PDZD2: variants seen among roughly 807,000 people sequenced by gnomAD.
PDZD2 encodes the protein PDZ domain containing 2.
PDZD2 carries 90 observed loss-of-function variants against 220.7 expected under a neutral mutation model. That is an observed-to-expected ratio of 0.41 (90% CI 0.34 to 0.49). PDZD2 has a LOEUF of 0.49. Ranked by LOEUF, PDZD2 falls within the 20% of genes least tolerant of loss-of-function variation. The probability of loss-of-function intolerance (pLI) is 0.28; values close to 1 mark genes in which losing one functional copy is unlikely to be tolerated. For synonymous variants in PDZD2, 1,375 were observed against 1,450.5 expected, an observed-to-expected ratio of 0.95 and a Z score of 1.18; for missense variants, 3,174 against 3,608.5, an observed-to-expected ratio of 0.88 and a Z score of 3.08.
At chr5:32,038,719 G>A (rs924965037) in intron 7 of PDZD2, among the ~76,000 whole-genome samples, 19 of 152,096 alleles carry the variant, frequency 1.2e-4, no homozygotes, top group Admixed American at 6.6e-4. Context: ...AAAGTCAGCC[G>A]TGGCTCCCCC....
chr5:32,003,035 C>A (rs1752388831), intron 5 of PDZD2, among the ~76,000 whole-genome samples: 1 of 135,300 alleles, frequency 7.4e-6, no homozygotes, highest in Non-Finnish European at 1.6e-5. Context: ...ACATGCATAC[C>A]ATACACACAC....
chr5:31,700,416 A>G (rs1007723751), intron 1 of PDZD2, among the ~76,000 whole-genome samples: 1 of 151,882 alleles, frequency 6.6e-6, no homozygotes, highest in African/African-American at 2.4e-5. Flanking sequence ...GTTGATGAGG[A>G]GTTGGAGGTC....
At chr5:31,882,089 T>G (rs1739983221) in intron 2 of PDZD2, among the ~76,000 whole-genome samples, 1 of 152,194 alleles carries the variant, frequency 6.6e-6, no homozygotes, top group African/African-American at 2.4e-5. Flanking sequence ...AAACCCATCC[T>G]AAAAGTTGAC....
intron 15 of PDZD2, 152 bp from the exon 16 acceptor site, chr5:32,071,232 A>G (rs1740709330): frequency 2.9e-6 from 2 of 694,396 alleles, no homozygotes. Flanking sequence ...GGTAGACTGC[A>G]TGCACGTCTA....
chr5:31,661,480 G>T (rs1305532615), intron 1 of PDZD2: 1 of 152,198 alleles, frequency 6.6e-6, no homozygotes, highest in Non-Finnish European at 1.5e-5. Context: ...GGACAGCCGA[G>T]CCAAGAATCT....
rs1323322656 is a variant in PDZD2, at chr5:32,025,263, C to T, written c.1408-11968C>T. ...AGCCCTGGCCGGGTGCGGTGGCTCA[C>T]ATCTGTAATCCCAGCACTTTGGGAG... On this transcript the variant is annotated intron_variant, in intron 6 of 24. Coordinates refer to ENST00000438447, the MANE Select transcript of PDZD2 (RefSeq NM_178140.4). Among the ~76,000 whole-genome samples the T allele has an allele frequency of 4.6e-5, 7 of 152,274 alleles. No homozygotes were observed. The East Asian group carries it at 1.4e-3, about 29-fold the overall frequency.
chr5:31,748,409 G>A (rs1750731071), intron 1 of PDZD2, among the ~76,000 whole-genome samples: 1 of 152,162 alleles, frequency 6.6e-6, no homozygotes, highest in Admixed American at 6.5e-5. Context: ...GTGGCTGGGG[G>A]AACCAAATCA....
At chr5:32,025,416 A>G (rs112045836) in intron 6 of PDZD2, among the ~76,000 whole-genome samples, 3,852 of 151,348 alleles carry the variant, frequency 0.025, 64 homozygotes, top group Non-Finnish European at 0.04. Context: ...TCCCAGCTAC[A>G]TGGGAGGCTG....
chr5:31,802,000 G>A (rs1754421603), intron 2 of PDZD2, among the ~76,000 whole-genome samples: 1 of 152,106 alleles, frequency 6.6e-6, no homozygotes, highest in Non-Finnish European at 1.5e-5. Flanking sequence ...ATGATGCCCA[G>A]TTTTGCAAAG....
intron 2 of PDZD2, among the ~76,000 whole-genome samples, chr5:31,921,309 A>G (rs942365283): frequency 3.3e-5 from 5 of 152,308 alleles, no homozygotes; most frequent in African/African-American, 9.6e-5. Flanking sequence ...ACAGTGCTCT[A>G]TGAAGCATTT....
chr5:31,830,154 A>G (rs9800104), intron 2 of PDZD2, among the ~76,000 whole-genome samples: 67,099 of 148,868 alleles, frequency 0.45, 15,179 homozygotes, highest in Non-Finnish European at 0.48. Context: ...CCCTTAATAC[A>G]TTTAATCCAA....
At chr5:31,689,300 TACACATAC>T (rs1747003696) in intron 1 of PDZD2, among the ~76,000 whole-genome samples, 1 of 126,572 alleles carries the variant, frequency 7.9e-6, no homozygotes, top group Non-Finnish European at 1.6e-5. Context: ...CATATACATA[TACACATAC>T]ATACATATAC....
At chr5:31,988,922 T>C (rs1277726421) in intron 3 of PDZD2, among the ~76,000 whole-genome samples, 7 of 152,206 alleles carry the variant, frequency 4.6e-5, no homozygotes, top group African/African-American at 1.2e-4. Context: ...GCTCTGTCAT[T>C]AGCCATCTCC....
At chr5:31,830,422 C>T (rs866413118) in intron 2 of PDZD2, among the ~76,000 whole-genome samples, 27 of 151,552 alleles carry the variant, frequency 1.8e-4, no homozygotes, top group African/African-American at 5.8e-4. Flanking sequence ...GTGATCTGCC[C>T]GTCTTGGCCT....
chr5:31,877,666 G>C (rs1012616581), intron 2 of PDZD2, among the ~76,000 whole-genome samples: 2 of 145,806 alleles, frequency 1.4e-5, no homozygotes, highest in Non-Finnish European at 3.0e-5. Context: ...GAGAAACTTT[G>C]CTGAAAGGTC....
At chr5:31,828,552 A>G (rs1191473859) in intron 2 of PDZD2, among the ~76,000 whole-genome samples, 1 of 152,324 alleles carries the variant, frequency 6.6e-6, no homozygotes, top group African/African-American at 2.4e-5. Flanking sequence ...CAGTGGCATG[A>G]GTGCAGTGCA....
chr5:32,058,137 T>C lies in PDZD2; in HGVS notation c.2200+34T>C, dbSNP rs1373729332. The C allele has an allele frequency of 1.0e-5, 11 of 1,070,674 alleles. No homozygotes were observed. The East Asian group carries it at 2.4e-4, about 23-fold the overall frequency. 66.3% of individuals were successfully genotyped at this position (1,070,674 alleles called of 1,614,324 possible). A position where few individuals can be genotyped will look rare whatever the true frequency, so the allele number is the denominator to read the frequency against. On this transcript the variant is annotated intron_variant, in intron 12 of 24. Coordinates refer to ENST00000438447, the MANE Select transcript of PDZD2 (RefSeq NM_178140.4). ...AGCTATTCCTTACCTTTGTCTCATT[T>C]CTTGAATAACATTTTGGAATCTGTT...
At chr5:31,641,449 TAGGACTCAGTGCTA>T (rs1744942404) in intron 1 of PDZD2, among the ~76,000 whole-genome samples, 2 of 152,182 alleles carry the variant, frequency 1.3e-5, no homozygotes, top group South Asian at 2.1e-4. Flanking sequence ...GATCCTGAGT[TAGGACTCAGTGCTA>T]AGGACTCAGA....
intron 2 of PDZD2, chr5:31,936,353 C>A (rs1024475615): frequency 1.0e-6 from 1 of 986,584 alleles, no homozygotes; most frequent in African/African-American, 1.7e-5. Flanking sequence ...GCAGGTAGGA[C>A]GGGAGACCTG....
Sources: gnomAD v4.1 joint callset for allele counts (sites outside exome capture counted in the v4.1 genomes callset) on GRCh38, gnomAD v4.1.1 for gene constraint, MANE v1.5 for transcripts, NCBI Gene and HGNC (gene_info 2026-07-23, HGNC 2026-07-21) for gene names.